The following CTNNA2 variants were observed in gnomAD, a reference collection of about 807,000 sequenced individuals.
CTNNA2 encodes the protein catenin alpha-2.
Under a neutral mutation model 101.0 loss-of-function variants are expected in CTNNA2, and 42 were observed. That is an observed-to-expected ratio of 0.42 (90% CI 0.32 to 0.54). The LOEUF (loss-of-function observed/expected upper bound fraction) is 0.54. CTNNA2 is among the 20% of genes least tolerant of loss of function. CTNNA2 has a pLI of 0.14. For synonymous variants in CTNNA2, 450 were observed against 456.4 expected, an observed-to-expected ratio of 0.99 and a Z score of 0.18; for missense variants, 871 against 1,223.1, an observed-to-expected ratio of 0.71 and a Z score of 4.29.
chr2:80,097,440 T>G (rs1023278715), intron 7 of CTNNA2, among the ~76,000 whole-genome samples: 15 of 152,150 alleles, frequency 9.9e-5, no homozygotes, highest in Admixed American at 5.2e-4. Flanking sequence ...CCCTTAATAT[T>G]TTTTCCTTCA....
At chr2:79,651,692 T>C in intron 2 of CTNNA2, 34 bp downstream of exon 2, 1 of 1,549,652 alleles carries the variant, frequency 6.5e-7, no homozygotes, top group Non-Finnish European at 8.9e-7. Flanking sequence ...TTGTTATATA[T>C]GTGTTTCTAT....
At chr2:79,848,242 A>G (rs984951662) in intron 3 of CTNNA2, among the ~76,000 whole-genome samples, 4 of 152,200 alleles carry the variant, frequency 2.6e-5, no homozygotes, top group Non-Finnish European at 1.5e-5. Flanking sequence ...GTGTTGCACA[A>G]TGAAATTTAC....
At chr2:79,528,086 A>G (rs1184941051) in intron 1 of CTNNA2, among the ~76,000 whole-genome samples, 1 of 152,230 alleles carries the variant, frequency 6.6e-6, no homozygotes, top group Non-Finnish European at 1.5e-5. Flanking sequence ...GTTTGATTGA[A>G]TTTATATAAA....
At chr2:80,337,720 C>A (rs534351883) in intron 7 of CTNNA2, among the ~76,000 whole-genome samples, 281 of 152,254 alleles carry the variant, frequency 1.8e-3, no homozygotes, top group Admixed American at 7.8e-3. Context: ...TGGCTTCAGG[C>A]ATGATGGATT....
chr2:79,483,843 G>T (rs2104558386), intron 4 of CTNNA2, among the ~76,000 whole-genome samples: 1 of 152,164 alleles, frequency 6.6e-6, no homozygotes, highest in East Asian at 1.9e-4. Flanking sequence ...CCATATTTTT[G>T]CAATTGTGAA....
At chr2:79,882,666 G>A (rs1323918062) in intron 6 of CTNNA2, among the ~76,000 whole-genome samples, 1 of 152,232 alleles carries the variant, frequency 6.6e-6, no homozygotes, top group Non-Finnish European at 1.5e-5. Context: ...AGGGCTGGCT[G>A]CTGCCCCTCC....
At chr2:80,118,685 CAT>C (rs1044520754) in intron 7 of CTNNA2, among the ~76,000 whole-genome samples, 1 of 152,206 alleles carries the variant, frequency 6.6e-6, no homozygotes, top group African/African-American at 2.4e-5. Context: ...AAGTAGAAAA[CAT>C]AAGGAAATTT....
At chr2:79,972,233 C>A (rs1301245123) in intron 7 of CTNNA2, among the ~76,000 whole-genome samples, 1 of 152,052 alleles carries the variant, frequency 6.6e-6, no homozygotes, top group African/African-American at 2.4e-5. Context: ...TATTAAGTAC[C>A]CATTTTATTA....
chr2:80,294,849 A>T (rs1391903505), intron 7 of CTNNA2, among the ~76,000 whole-genome samples: 1 of 152,150 alleles, frequency 6.6e-6, no homozygotes, highest in African/African-American at 2.4e-5. Flanking sequence ...TCTTCTCATA[A>T]CACGAGGGAA....
chr2:79,249,830 C>G (rs1674746564), intron 2 of CTNNA2, among the ~76,000 whole-genome samples: 2 of 152,182 alleles, frequency 1.3e-5, no homozygotes, highest in African/African-American at 4.8e-5. Context: ...AGCTCACATT[C>G]ACCTTCTCCT....
intron 4 of CTNNA2, among the ~76,000 whole-genome samples, chr2:79,468,765 G>C (rs1252815767): frequency 6.6e-6 from 1 of 152,140 alleles, no homozygotes; most frequent in East Asian, 1.9e-4. Flanking sequence ...TGAACAACCT[G>C]CTCCTGAATG....
At chr2:80,544,770 TG>T (rs1293483777) in intron 9 of CTNNA2, among the ~76,000 whole-genome samples, 7 of 152,152 alleles carry the variant, frequency 4.6e-5, no homozygotes, top group African/African-American at 1.4e-4. Flanking sequence ...TGTATATGCT[TG>T]AGAGTCGTGA....
intron 7 of CTNNA2, among the ~76,000 whole-genome samples, chr2:80,257,539 G>C (rs983302713): frequency 2.0e-5 from 3 of 152,198 alleles, no homozygotes; most frequent in Admixed American, 6.5e-5. Flanking sequence ...ATCATATTCT[G>C]TGGCCTGGGT....
intron 3 of CTNNA2, among the ~76,000 whole-genome samples, chr2:79,845,989 A>AC (rs1481600040): frequency 6.6e-6 from 1 of 151,998 alleles, no homozygotes; most frequent in Non-Finnish European, 1.5e-5. Flanking sequence ...GAAGAATGGA[A>AC]AATCAGTGGT....
intron 7 of CTNNA2, among the ~76,000 whole-genome samples, chr2:79,994,998 CA>C (rs1053493431): frequency 1.3e-5 from 2 of 152,260 alleles, no homozygotes; most frequent in African/African-American, 4.8e-5. Flanking sequence ...CAGAGGGATG[CA>C]ATCAGTAGTA....
intron 9 of CTNNA2, 30 bp from the exon 10 acceptor site, chr2:80,544,952 T>A (rs367602490): frequency 3.1e-6 from 5 of 1,596,286 alleles, no homozygotes; most frequent in Non-Finnish European, 4.3e-6. Context: ...TGCCCCAACC[T>A]AATATTCACT....
intron 1 of CTNNA2, chr2:79,574,250 T>C (rs1213992729): frequency 1.3e-5 from 2 of 152,170 alleles, no homozygotes; most frequent in African/African-American, 4.8e-5. Context: ...CAGGGATACA[T>C]GTGCAGGTTT....
upstream of CTNNA2, among the ~76,000 whole-genome samples, chr2:79,508,424 C>T (rs936822128): frequency 3.3e-5 from 5 of 152,162 alleles, no homozygotes; most frequent in South Asian, 2.1e-4. Flanking sequence ...ACAGCAGTCT[C>T]GGCTTTCTCC....
intron 7 of CTNNA2, among the ~76,000 whole-genome samples, chr2:80,070,940 A>G (rs549626301): frequency 2.0e-5 from 3 of 152,194 alleles, no homozygotes; most frequent in African/African-American, 7.2e-5. Flanking sequence ...CTCTCCTCTT[A>G]TAAAGATACA....
Sources: gnomAD v4.1 joint callset for allele counts (sites outside exome capture counted in the v4.1 genomes callset) on GRCh38, gnomAD v4.1.1 for gene constraint, MANE v1.5 for transcripts, NCBI Gene and HGNC (gene_info 2026-07-23, HGNC 2026-07-21) for gene names.